Variants in SYNPO observed in about 807,000 individuals in gnomAD.
The protein encoded by SYNPO is synaptopodin.
A neutral mutation model predicts 49.5 loss-of-function variants in SYNPO; 19 were observed. That is an observed-to-expected ratio of 0.38 (90% CI 0.27 to 0.56). The LOEUF is 0.56. Among genes scored for constraint, SYNPO ranks in the 20% least tolerant of loss-of-function variants. SYNPO has a pLI of 0.68. For synonymous variants in SYNPO, 536 were observed against 548.0 expected, an observed-to-expected ratio of 0.98 and a Z score of 0.31; for missense variants, 1,131 against 1,248.3, an observed-to-expected ratio of 0.91 and a Z score of 1.42.
chr5:150,600,742 G>A (rs80014321), upstream of SYNPO, among the ~76,000 whole-genome samples: 3,934 of 152,232 alleles, frequency 0.026, 150 homozygotes, highest in East Asian at 0.18. Flanking sequence ...GTGGCTCCAG[G>A]AAGGGGCAAA....
intron 2 of SYNPO, among the ~76,000 whole-genome samples, chr5:150,629,449 C>T (rs1342811796): frequency 6.6e-6 from 1 of 152,134 alleles, no homozygotes; most frequent in East Asian, 1.9e-4. Flanking sequence ...TCAGGCTTCA[C>T]TTCTGACTGC....
chr5:150,610,265 G>C (rs1394633962), intron 1 of SYNPO, among the ~76,000 whole-genome samples: 1 of 152,176 alleles, frequency 6.6e-6, no homozygotes, highest in Admixed American at 6.5e-5. Flanking sequence ...CAAGAGTGGA[G>C]GCATGTGGCC....
chr5:150,619,167 T>C (rs1445074215), intron 2 of SYNPO, among the ~76,000 whole-genome samples: 1 of 151,832 alleles, frequency 6.6e-6, no homozygotes, highest in Non-Finnish European at 1.5e-5. Flanking sequence ...GCTGGCTACG[T>C]GGGGGTGCTG....
intron 1 of SYNPO, among the ~76,000 whole-genome samples, chr5:150,602,997 GGT>G (rs3062133): frequency 0.074 from 9,648 of 131,118 alleles, 378 homozygotes; most frequent in Middle Eastern, 0.11. Context: ...GCCACCTTAG[GGT>G]GTGTGTGTGT....
the SYNPO span, among the ~76,000 whole-genome samples, chr5:150,592,746 A>G: frequency 6.6e-6 from 1 of 152,176 alleles, no homozygotes; most frequent in African/African-American, 2.4e-5. Context: ...AAGACCGGGG[A>G]TCTTGTGTTC....
chr5:150,609,783 T>TGG (rs1756793926), intron 1 of SYNPO, among the ~76,000 whole-genome samples: 2 of 44,310 alleles, frequency 4.5e-5, no homozygotes, highest in South Asian at 7.7e-4. Flanking sequence ...ACTGTGAATG[T>TGG]GGCGGGGGGG....
At chr5:150,618,429 G>C in exon 2 of SYNPO, 1 of 1,551,604 alleles carries the variant, frequency 6.4e-7, no homozygotes, top group Non-Finnish European at 8.7e-7. Context: ...CCTACCCCCT[G>C]CGCCTTCCAG....
At chr5:150,646,793 A>T (rs1040473988) in intron 1 of SYNPO, among the ~76,000 whole-genome samples, 1 of 152,234 alleles carries the variant, frequency 6.6e-6, no homozygotes, top group East Asian at 1.9e-4. Flanking sequence ...GTTTAAAAAA[A>T]TTAGAGCACA....
At chr5:150,634,741 TC>T (rs1408051615) in intron 2 of SYNPO, among the ~76,000 whole-genome samples, 1 of 151,718 alleles carries the variant, frequency 6.6e-6, no homozygotes, top group Non-Finnish European at 1.5e-5. Flanking sequence ...GGGTCACTTG[TC>T]CCTGGAAGGT....
intron 2 of SYNPO, chr5:150,653,541 C>T (rs114592576): frequency 0.023 from 3,482 of 152,330 alleles, 111 homozygotes; most frequent in East Asian, 0.083. Context: ...GGGTCATGAA[C>T]TCTAGGCCCT....
chr5:150,587,463 T>C, the SYNPO span, among the ~76,000 whole-genome samples: 1 of 151,330 alleles, frequency 6.6e-6, no homozygotes, highest in African/African-American at 2.4e-5. Flanking sequence ...GAAGAATGGA[T>C]GCTGGGTAGG....
intron 2 of SYNPO, among the ~76,000 whole-genome samples, chr5:150,626,748 G>C (rs1451858573): frequency 3.9e-5 from 6 of 152,196 alleles, no homozygotes; most frequent in Non-Finnish European, 7.3e-5. Flanking sequence ...TCCGATTTTA[G>C]AATTGGGGAG....
intron 2 of SYNPO, among the ~76,000 whole-genome samples, chr5:150,621,510 G>A (rs1204719141): frequency 6.6e-6 from 1 of 152,152 alleles, no homozygotes; most frequent in African/African-American, 2.4e-5. Context: ...AGATCAGGAG[G>A]GAAGAAGGCT....
intron 2 of SYNPO, chr5:150,652,295 C>A (rs1758418740): frequency 1.0e-6 from 1 of 997,326 alleles, no homozygotes; most frequent in South Asian, 4.7e-5. Context: ...GCTCTGCCCC[C>A]AACTTTGTTT....
intron 2 of SYNPO, among the ~76,000 whole-genome samples, chr5:150,622,446 G>C (rs939994194): frequency 2.0e-5 from 3 of 152,210 alleles, no homozygotes; most frequent in African/African-American, 7.2e-5. Context: ...CTCCCACTCG[G>C]ATGCTCTGGG....
chr5:150,647,403 CAG>C (rs1758143173), intron 1 of SYNPO, among the ~76,000 whole-genome samples: 1 of 152,180 alleles, frequency 6.6e-6, no homozygotes, highest in Admixed American at 6.5e-5. Context: ...AAGGTGCCTC[CAG>C]AGAGGGGACA....
At chr5:150,599,820 A>G (rs1293322346), upstream of SYNPO, among the ~76,000 whole-genome samples, 3 of 152,180 alleles carry the variant, frequency 2.0e-5, no homozygotes, top group Admixed American at 2.0e-4. Context: ...TATCATGGGC[A>G]CTTAGTAAGT....
chr5:150,609,905 G>A (rs1435816824), intron 1 of SYNPO, among the ~76,000 whole-genome samples: 1 of 152,140 alleles, frequency 6.6e-6, no homozygotes, highest in African/African-American at 2.4e-5. Context: ...ATTTTCTGGT[G>A]TGGCCAAGGG....
chr5:150,629,200 A>T (rs1757460000), intron 2 of SYNPO, among the ~76,000 whole-genome samples: 1 of 152,016 alleles, frequency 6.6e-6, no homozygotes, highest in African/African-American at 2.4e-5. Flanking sequence ...TTTAGTAGAG[A>T]CAGTGTCTCG....
Sources: allele counts gnomAD v4.1 joint callset (sites outside exome capture counted in the v4.1 genomes callset), GRCh38; gene constraint gnomAD v4.1.1; transcripts MANE v1.5; gene names NCBI Gene and HGNC (gene_info 2026-07-23, HGNC 2026-07-21).